The following LOC728743 variants were observed in gnomAD, a reference collection of about 807,000 sequenced individuals.
the LOC728743 span, among the ~76,000 whole-genome samples, chr7:150,403,075 C>T: frequency 1.3e-5 from 2 of 152,156 alleles, no homozygotes; most frequent in African/African-American, 2.4e-5. The surrounding 1 kb of genome is among the most constrained non-coding windows in gnomAD (Gnocchi z 5.1). Flanking sequence ...CCAGCCACTG[C>T]GCTGCCTGTA....
the LOC728743 span, chr7:150,408,407 C>G: frequency 5.6e-6 from 2 of 358,408 alleles, no homozygotes; most frequent in Non-Finnish European, 5.0e-6. Context: ...GTTCCTCCCT[C>G]GGGACCCTCT....
chr7:150,410,155 G>A, the LOC728743 span: 9 of 398,498 alleles, frequency 2.3e-5, no homozygotes, highest in Middle Eastern at 6.2e-4. Context: ...TGTTTCTGTC[G>A]ACAGTTGCAG....
the LOC728743 span, chr7:150,411,915 T>A: frequency 1.3e-5 from 2 of 153,258 alleles, no homozygotes; most frequent in African/African-American, 4.8e-5. Flanking sequence ...GCTAAGCCCT[T>A]CTGATCCACG....
chr7:150,407,701 C>T, the LOC728743 span: 2 of 399,412 alleles, frequency 5.0e-6, no homozygotes, highest in East Asian at 3.6e-5. Context: ...TCATCCACCA[C>T]CCTGCAGAGG....
the LOC728743 span, among the ~76,000 whole-genome samples, chr7:150,402,756 C>T: frequency 5.3e-5 from 8 of 152,072 alleles, no homozygotes; most frequent in South Asian, 2.1e-4. Flanking sequence ...GCCCTAGGGA[C>T]GCAGCCCTAC....
At chr7:150,406,189 G>C in the LOC728743 span, among the ~76,000 whole-genome samples, 3 of 152,192 alleles carry the variant, frequency 2.0e-5, no homozygotes, top group African/African-American at 7.2e-5. Context: ...AGAGGAGGTG[G>C]CCCTGAGACC....
chr7:150,406,876 A>G, the LOC728743 span, among the ~76,000 whole-genome samples: 3 of 152,358 alleles, frequency 2.0e-5, no homozygotes, highest in South Asian at 4.1e-4. Flanking sequence ...CCTTTTGAAC[A>G]CATGCCTCAT....
chr7:150,407,827 G>C, the LOC728743 span: 1 of 413,914 alleles, frequency 2.4e-6, no homozygotes, highest in South Asian at 1.0e-4. Context: ...TGTGTCCCGA[G>C]TGCGGCAAGG....
chr7:150,407,415 AGAG>A, the LOC728743 span, among the ~76,000 whole-genome samples: 6 of 152,178 alleles, frequency 3.9e-5, no homozygotes, highest in African/African-American at 9.7e-5. Context: ...CAGTGGAGGA[AGAG>A]GAACACCAAT....
At chr7:150,407,863 G>A in the LOC728743 span, 36 of 426,936 alleles carry the variant, frequency 8.4e-5, no homozygotes, top group Non-Finnish European at 1.2e-4. Context: ...ACAACCTCGA[G>A]GTGCACCAGC....
the LOC728743 span, among the ~76,000 whole-genome samples, chr7:150,403,303 C>A: frequency 6.6e-6 from 1 of 152,128 alleles, no homozygotes; most frequent in African/African-American, 2.4e-5. The surrounding 1 kb of genome is among the most constrained non-coding windows in gnomAD (Gnocchi z 5.1). Context: ...GCCTTGGCTT[C>A]CCCGCTGAGA....
At chr7:150,405,141 G>C in the LOC728743 span, 1 of 152,246 alleles carries the variant, frequency 6.6e-6, no homozygotes, top group Non-Finnish European at 1.5e-5. Context: ...CCCGGAACCG[G>C]CCCCCGCATG....
chr7:150,407,816 G>C, the LOC728743 span: 5 of 410,190 alleles, frequency 1.2e-5, no homozygotes, highest in Non-Finnish European at 2.2e-5. Context: ...GGCTGCCTTC[G>C]TGTGTCCCGA....
At chr7:150,400,959 G>A in the LOC728743 span, 3 of 152,246 alleles carry the variant, frequency 2.0e-5, no homozygotes, top group Non-Finnish European at 2.9e-5. Context: ...GATTTAGATC[G>A]GGTCTATGGC....
the LOC728743 span, among the ~76,000 whole-genome samples, chr7:150,403,369 C>T: frequency 7.1e-4 from 108 of 152,298 alleles, 2 homozygotes; most frequent in African/African-American, 2.5e-3. The surrounding 1 kb of genome is among the most constrained non-coding windows in gnomAD (Gnocchi z 5.1). Flanking sequence ...ATCCCCTAGC[C>T]GTGTTCTTTT....
the LOC728743 span, chr7:150,407,574 G>GGTGA: frequency 2.5e-6 from 1 of 398,176 alleles, no homozygotes; most frequent in Admixed American, 4.4e-5. Context: ...CCCCGCTTCT[G>GGTGA]TCTCCCTAGG....
At chr7:150,408,368 C>T in the LOC728743 span, 1 of 363,402 alleles carries the variant, frequency 2.8e-6, no homozygotes, top group Admixed American at 4.6e-5. Context: ...AAGGTGTGGG[C>T]CGCCGCCAGG....
the LOC728743 span, among the ~76,000 whole-genome samples, chr7:150,401,653 CTT>C: frequency 2.8e-3 from 424 of 152,304 alleles, 1 homozygote; most frequent in Non-Finnish European, 4.9e-3. Flanking sequence ...AGAACAGCCT[CTT>C]TTGGGTTGAC....
At chr7:150,408,142 C>T in the LOC728743 span, 2 of 389,394 alleles carry the variant, frequency 5.1e-6, no homozygotes, top group Non-Finnish European at 9.1e-6. Flanking sequence ...GCTTCGCGCG[C>T]GAGGGCTCGC....
Sources: allele counts gnomAD v4.1 joint callset (sites outside exome capture counted in the v4.1 genomes callset), GRCh38; gene constraint gnomAD v4.1.1; non-coding constraint Gnocchi (gnomAD v3.1); transcripts MANE v1.5.